The following ACYP2 variants were observed in gnomAD, a reference collection of about 807,000 sequenced individuals.
ACYP2 encodes acylphosphatase 2.
Under a neutral mutation model 11.2 loss-of-function variants are expected in ACYP2, and 12 were observed. That is an observed-to-expected ratio of 1.08 (90% confidence interval 0.69 to 1.74). The LOEUF is 1.74. Among genes scored for constraint, ACYP2 ranks in the 40% most tolerant of loss-of-function variants. The pLI is 0.00. For synonymous variants in ACYP2, 43 were observed against 32.2 expected, an observed-to-expected ratio of 1.33 and a Z score of -1.13; for missense variants, 134 against 101.9, an observed-to-expected ratio of 1.31 and a Z score of -1.35.
At chr2:54,013,567 T>C (rs573328405) in intron 2 of ACYP2, among the ~76,000 whole-genome samples, 358 of 152,060 alleles carry the variant, frequency 2.4e-3, no homozygotes, top group Middle Eastern at 6.8e-3. Flanking sequence ...TCCAAAGTGC[T>C]GGGATTACAG....
intron 4 of ACYP2, among the ~76,000 whole-genome samples, chr2:54,121,403 C>A (rs536311171): frequency 6.6e-6 from 1 of 152,292 alleles, no homozygotes; most frequent in South Asian, 2.1e-4. Flanking sequence ...ACTGGCAACT[C>A]GGTTTCAGGT....
intron 2 of ACYP2, among the ~76,000 whole-genome samples, chr2:53,994,181 T>A (rs867812282): frequency 6.6e-6 from 1 of 151,578 alleles, no homozygotes; most frequent in Non-Finnish European, 1.5e-5. Flanking sequence ...ATACAAAAAA[T>A]TAGCTGGGCG....
At chr2:53,983,086 A>G (rs928005884) in intron 2 of ACYP2, among the ~76,000 whole-genome samples, 1 of 152,176 alleles carries the variant, frequency 6.6e-6, no homozygotes, top group Non-Finnish European at 1.5e-5. Flanking sequence ...AATAGGATAA[A>G]TGTTGTTCTG....
At chr2:54,190,562 G>A (rs549653699) in intron 6 of ACYP2, among the ~76,000 whole-genome samples, 1 of 152,034 alleles carries the variant, frequency 6.6e-6, no homozygotes, top group Admixed American at 6.6e-5. Context: ...CTCCTTGGCT[G>A]CCAGGATACT....
At chr2:54,277,886 T>C (rs1688676071) in intron 6 of ACYP2, among the ~76,000 whole-genome samples, 1 of 152,178 alleles carries the variant, frequency 6.6e-6, no homozygotes, top group Non-Finnish European at 1.5e-5. Context: ...TTTAAAAACA[T>C]TTTATTATAG....
chr2:54,203,893 A>G (rs2103916156), intron 6 of ACYP2, among the ~76,000 whole-genome samples: 1 of 152,278 alleles, frequency 6.6e-6, no homozygotes, highest in Admixed American at 6.5e-5. Context: ...GATTATATTA[A>G]GCTTGTCCAA....
chr2:54,151,873 G>C (rs1276491174), intron 6 of ACYP2, among the ~76,000 whole-genome samples: 1 of 151,876 alleles, frequency 6.6e-6, no homozygotes. Flanking sequence ...AGCTTTCTCA[G>C]GTAGCAACTA....
chr2:53,973,483 G>C (rs1671277211), intron 1 of ACYP2, among the ~76,000 whole-genome samples: 1 of 152,080 alleles, frequency 6.6e-6, no homozygotes, highest in Non-Finnish European at 1.5e-5. Context: ...ATTTGTTTCT[G>C]CCCCACCCTA....
At chr2:54,061,803 G>A (rs1318513037) in intron 4 of ACYP2, among the ~76,000 whole-genome samples, 2 of 152,114 alleles carry the variant, frequency 1.3e-5, no homozygotes, top group Admixed American at 1.3e-4. Flanking sequence ...TCTGGACATG[G>A]TGGCTCAAGG....
At chr2:54,037,850 T>C (rs989435034) in intron 2 of ACYP2, among the ~76,000 whole-genome samples, 2 of 152,204 alleles carry the variant, frequency 1.3e-5, no homozygotes, top group African/African-American at 4.8e-5. Context: ...ATTGAAAATA[T>C]CAACATTATA....
At chr2:54,098,604 C>G (rs1443780914) in intron 4 of ACYP2, among the ~76,000 whole-genome samples, 1 of 152,164 alleles carries the variant, frequency 6.6e-6, no homozygotes, top group Non-Finnish European at 1.5e-5. Context: ...TATGTTGTTA[C>G]TTGATTTAGA....
In ACYP2 at chr2:54,138,765, A is replaced by G. The variant is rs374606149; in HGVS notation, c.404+17A>G. The G allele has an allele frequency of 2.5e-6, 4 of 1,588,766 alleles. No individual in the cohort carries two copies. Among genetic ancestry groups the G allele is most frequent in the Non-Finnish European group, 3.4e-6 (4 of 1,159,664 alleles). ...CAATTCCATGTGAGTAGTAAAATTA[A>G]TAACATGTACATGAAATTTATGAGG... On this transcript the variant is annotated intron_variant, in intron 6 of 6. Transcript: ENST00000607452.
At chr2:54,004,464 G>A (rs1272177996) in intron 2 of ACYP2, among the ~76,000 whole-genome samples, 1 of 138,044 alleles carries the variant, frequency 7.2e-6, no homozygotes, top group Non-Finnish European at 1.5e-5. Flanking sequence ...AGGCTGGAGT[G>A]CAGTGGCACG....
intron 4 of ACYP2, among the ~76,000 whole-genome samples, chr2:54,121,261 G>C (rs1224264966): frequency 6.6e-6 from 1 of 152,180 alleles, no homozygotes; most frequent in Non-Finnish European, 1.5e-5. Context: ...CTGTAAGGCT[G>C]AGTCTGGGGT....
Position 54,304,868 on chromosome 2 carries a change from G to T in ACYP2, c.*66G>T. On this transcript the variant is annotated 3_prime_UTR_variant, in exon 7 of 7. Transcript: ENST00000607452. ...TATGTTCTTAAGACTATGTATACTA[G>T]AATAATAGTAGCAGAGTAGGGTGAA... 4.8e-5 allele frequency: 37 copies of T among 772,826 alleles called. No homozygotes were observed. The highest frequency in any genetic ancestry group is 4.4e-5 in the Non-Finnish European group (22 of 503,978). 47.9% of individuals were successfully genotyped at this position (772,826 alleles called of 1,614,324 possible). A position where few individuals can be genotyped will look rare whatever the true frequency, so the allele number is the denominator to read the frequency against.
At chr2:54,265,484 A>G (rs774360656) in intron 6 of ACYP2, among the ~76,000 whole-genome samples, 4 of 152,194 alleles carry the variant, frequency 2.6e-5, no homozygotes, top group Non-Finnish European at 5.9e-5. Context: ...GGGGACACAG[A>G]GCCAAACCAT....
At chr2:54,162,502 C>T (rs1420657332) in intron 6 of ACYP2, among the ~76,000 whole-genome samples, 1 of 152,146 alleles carries the variant, frequency 6.6e-6, no homozygotes, top group African/African-American at 2.4e-5. Context: ...CCTAGGCCAG[C>T]AGCAGCACCA....
chr2:54,201,672 TTCTTTCTTTCTCTC>T (rs1558609145), intron 6 of ACYP2, among the ~76,000 whole-genome samples: 58 of 112,620 alleles, frequency 5.2e-4, no homozygotes, highest in African/African-American at 1.9e-3. Context: ...CTTTCTTTCT[TTCTTTCTTTCTCTC>T]TCTCTCTCTC....
intron 6 of ACYP2, among the ~76,000 whole-genome samples, chr2:54,184,368 T>C (rs1260115572): frequency 1.3e-5 from 2 of 152,094 alleles, no homozygotes; most frequent in Non-Finnish European, 2.9e-5. Context: ...AGTAAGTTAA[T>C]TTTTTTATAT....
Sources: gnomAD v4.1 joint callset for allele counts (sites outside exome capture counted in the v4.1 genomes callset) on GRCh38, gnomAD v4.1.1 for gene constraint, MANE v1.5 for transcripts, NCBI Gene and HGNC (gene_info 2026-07-23, HGNC 2026-07-21) for gene names.